The following DERA variants were observed in gnomAD, a reference collection of about 807,000 sequenced individuals.
DERA encodes the protein 2-deoxy-D-ribose 5-phosphate aldolase.
Under a neutral mutation model 41.1 loss-of-function variants are expected in DERA, and 15 were observed. The observed-to-expected ratio is 0.37, with a 90% confidence interval of 0.24 to 0.56. The LOEUF (loss-of-function observed/expected upper bound fraction) is 0.56. DERA is among the 20% of genes least tolerant of loss of function. The pLI, the probability that DERA is intolerant of heterozygous loss-of-function variation, is 0.81. For synonymous variants in DERA, 139 were observed against 137.4 expected, an observed-to-expected ratio of 1.01 and a Z score of -0.08; for missense variants, 396 against 403.4, an observed-to-expected ratio of 0.98 and a Z score of 0.16.
At position 16,014,402 on chromosome 12, in the gene DERA, G is replaced by A. The variant is rs547741778; in HGVS notation, c.638-18140G>A. 5.9e-5 allele frequency among the ~76,000 whole-genome samples: 9 copies of A among 152,280 alleles called. No homozygotes were observed. The highest frequency in any genetic ancestry group is 3.4e-3 in the Middle Eastern group (1 of 294). ...GGACTTGGTGCCCTGCATCCCGGCC[G>A]TGGCTAAAAGAAGCCAATGTACAGC... On this transcript the variant is annotated intron_variant, in intron 6 of 8. Coordinates refer to ENST00000428559, the MANE Select transcript of DERA (RefSeq NM_015954.4). This position sits in a 1 kb window ranked among gnomAD's most constrained non-coding sequence, Gnocchi z 5.4.
chr12:15,958,107 C>A, intron 2 of DERA, 81 bp from the exon 3 acceptor site: 1 of 1,194,240 alleles, frequency 8.4e-7, no homozygotes, highest in Non-Finnish European at 1.2e-6. Context: ...TCTAATGATT[C>A]TCTACTAACC....
Position 15,936,761 on chromosome 12 carries a change from A to G in DERA, c.32-20175A>G, listed in dbSNP as rs139299278. 7.8e-3 allele frequency among the ~76,000 whole-genome samples: 1,182 copies of G among 152,188 alleles called. 23 individuals are homozygous for G. Among genetic ancestry groups the G allele is most frequent in the African/African-American group, 0.028 (1,148 of 41,528 alleles). On this transcript the variant is annotated intron_variant, in intron 1 of 8. Coordinates refer to ENST00000428559, the MANE Select transcript of DERA (RefSeq NM_015954.4). This position sits in a 1 kb window ranked among gnomAD's most constrained non-coding sequence, Gnocchi z 4.6. ...CTTTTTAGTATCATTATACTGGGTT[A>G]TGTTTTGTGTAGATTGTCTCACCAC...
intron 6 of DERA, among the ~76,000 whole-genome samples, chr12:16,032,223 A>T (rs1025656016): frequency 2.0e-5 from 3 of 152,200 alleles, no homozygotes; most frequent in African/African-American, 7.2e-5. Flanking sequence ...AGCATAGGGC[A>T]TAAAATTGTT....
At position 15,911,627 on chromosome 12, in the gene DERA, C is replaced by T. The variant is rs1948164449; in HGVS notation, c.31+213C>T. On this transcript the variant is annotated intron_variant, in intron 1 of 8. Coordinates refer to ENST00000428559, the MANE Select transcript of DERA (RefSeq NM_015954.4). The surrounding 1 kb of genome is among the most constrained non-coding windows in gnomAD (Gnocchi z 4.5). Reference sequence around the variant, plus strand: ...TTGTCTTTGCACCTAAGCTTTTACTCTTGTATGCGGAAGGAGTAGGAAAGG... The same window carrying T: ...TTGTCTTTGCACCTAAGCTTTTACTTTTGTATGCGGAAGGAGTAGGAAAGG... 1 of 697,700 alleles carries T rather than the reference C, an allele frequency of 1.4e-6. No homozygotes were observed. Among genetic ancestry groups the T allele is most frequent in the South Asian group, 1.5e-5 (1 of 66,646 alleles). 43.2% of individuals were successfully genotyped at this position (697,700 alleles called of 1,614,324 possible). A position where few individuals can be genotyped will look rare whatever the true frequency, so the allele number is the denominator to read the frequency against.
intron 1 of DERA, among the ~76,000 whole-genome samples, chr12:15,912,319 A>G (rs900510054): frequency 3.3e-5 from 5 of 152,166 alleles, no homozygotes; most frequent in Non-Finnish European, 5.9e-5. Flanking sequence ...TGTTTCAGAG[A>G]GCACAGGGTT....
At position 16,000,274 on chromosome 12, in the gene DERA, T is replaced by C. The variant is rs1441977255; in HGVS notation, c.637+17838T>C. Among the ~76,000 whole-genome samples, 1 of 152,228 alleles carries C rather than the reference T, an allele frequency of 6.6e-6. No homozygotes were observed. Among genetic ancestry groups the C allele is most frequent in the Non-Finnish European group, 1.5e-5 (1 of 68,044 alleles). On this transcript the variant is annotated intron_variant, in intron 6 of 8. Coordinates refer to ENST00000428559, the MANE Select transcript of DERA (RefSeq NM_015954.4). The surrounding 1 kb of genome is among the most constrained non-coding windows in gnomAD (Gnocchi z 4.8). The stretch of plus-strand genomic sequence containing the variant: ...GTTTATTGCAGAACATAGCGCAGTC[T>C]AACCGCTTTTCCTCTACTTTTCTGT...
At chr12:15,960,681 T>A (rs567318369) in intron 4 of DERA, among the ~76,000 whole-genome samples, 37 of 127,190 alleles carry the variant, frequency 2.9e-4, no homozygotes, top group African/African-American at 9.1e-4. Flanking sequence ...ATGTGCAAAA[T>A]GTGTAGTTGC....
chr12:15,949,341 C>T (rs1382573343), intron 1 of DERA, among the ~76,000 whole-genome samples: 1 of 152,138 alleles, frequency 6.6e-6, no homozygotes, highest in Non-Finnish European at 1.5e-5. Flanking sequence ...CGGTGGTGGG[C>T]TACACCCAGT....
Position 15,916,446 on chromosome 12 carries a change from CTT to C in DERA, c.31+5053_31+5054del, listed in dbSNP as rs869154253. 640 of 122,262 alleles carry C rather than the reference CTT, an allele frequency of 5.2e-3. 1 individual carries two copies. Among genetic ancestry groups the C allele is most frequent in the African/African-American group, 0.018 (618 of 33,486 alleles). 7.6% of individuals were successfully genotyped at this position (122,262 alleles called of 1,614,324 possible). ...CTAGGTTTAAAAACCAATACTGTTT[CTT>C]TTTTTTTTTTTTTTTTTTTTGAGAC... On this transcript the variant is annotated intron_variant, in intron 1 of 8. Coordinates refer to ENST00000428559, the MANE Select transcript of DERA (RefSeq NM_015954.4).
chr12:16,030,227 C>T (rs1161153246), intron 6 of DERA, among the ~76,000 whole-genome samples: 2 of 152,034 alleles, frequency 1.3e-5, no homozygotes, highest in African/African-American at 4.8e-5. Context: ...CCACCACGTC[C>T]AGCCAGTAGC....
chr12:15,990,273 C>T lies in DERA; in HGVS notation c.637+7837C>T, dbSNP rs1206373274. On this transcript the variant is annotated intron_variant, in intron 6 of 8. Coordinates refer to ENST00000428559, the MANE Select transcript of DERA (RefSeq NM_015954.4). This position sits in a 1 kb window ranked among gnomAD's most constrained non-coding sequence, Gnocchi z 4.3. ...CTGATTCCAAAGCTTACTATATTAG[C>T]AGAATTGTTCAATGAATCTTATATT... is the stretch of plus-strand genomic sequence containing the variant. 1.3e-5 allele frequency among the ~76,000 whole-genome samples: 2 copies of T among 152,072 alleles called. No individual in the cohort carries two copies. Among genetic ancestry groups the T allele is most frequent in the African/African-American group, 4.8e-5 (2 of 41,400 alleles).
At chr12:15,952,282 G>A (rs1051214526) in intron 1 of DERA, among the ~76,000 whole-genome samples, 1 of 152,180 alleles carries the variant, frequency 6.6e-6, no homozygotes, top group Non-Finnish European at 1.5e-5. Flanking sequence ...GGATCTTGGT[G>A]TCATTTCCAA....
intron 1 of DERA, among the ~76,000 whole-genome samples, chr12:15,926,194 G>GTT: frequency 6.7e-6 from 1 of 148,698 alleles, no homozygotes; most frequent in African/African-American, 2.5e-5. Flanking sequence ...CTGAGGCACT[G>GTT]TTTTTTTTTT....
At chr12:16,032,318 C>T (rs1949098053) in intron 6 of DERA, among the ~76,000 whole-genome samples, 1 of 151,994 alleles carries the variant, frequency 6.6e-6, no homozygotes, top group Non-Finnish European at 1.5e-5. Context: ...TATCAGAGGT[C>T]AGTGAGAATA....
At chr12:15,951,306 T>A (rs377706195) in intron 1 of DERA, 1 of 152,288 alleles carries the variant, frequency 6.6e-6, no homozygotes, top group South Asian at 2.1e-4. Context: ...GTGGTGAAGA[T>A]TTTGGTGATC....
rs915434768 is a variant in DERA at position 16,014,551 on chromosome 12, G to A, written c.638-17991G>A. Among the ~76,000 whole-genome samples, 1 of 152,248 alleles carries A rather than the reference G, an allele frequency of 6.6e-6. No homozygotes were observed. Among genetic ancestry groups the A allele is most frequent in the African/African-American group, 2.4e-5 (1 of 41,460 alleles). ...AACCACCACCTAGGTTTCAGAGGAT[G>A]TATGGAATCGCCTGGATGTCCTGGC... is the stretch of plus-strand genomic sequence containing the variant. On this transcript the variant is annotated intron_variant, in intron 6 of 8. Transcript: ENST00000428559. This position sits in a 1 kb window ranked among gnomAD's most constrained non-coding sequence, Gnocchi z 5.4.
At position 15,943,552 on chromosome 12, in the gene DERA, C is replaced by T. The variant is rs894592272; in HGVS notation, c.32-13384C>T. ...CTTTTAAACCCTGTTGGCCATGGCT[C>T]ACCATATGCATTGTATTTTATATTG... On this transcript the variant is annotated intron_variant, in intron 1 of 8. Transcript: ENST00000428559. The surrounding 1 kb of genome is among the most constrained non-coding windows in gnomAD (Gnocchi z 4.5). Among the ~76,000 whole-genome samples, 1 of 152,108 alleles carries T rather than the reference C, an allele frequency of 6.6e-6. No homozygotes were observed. The highest frequency in any genetic ancestry group is 2.4e-5 in the African/African-American group (1 of 41,426).
intron 6 of DERA, among the ~76,000 whole-genome samples, chr12:16,016,966 C>A (rs919626396): frequency 3.3e-5 from 5 of 152,114 alleles, no homozygotes; most frequent in Non-Finnish European, 5.9e-5. Flanking sequence ...TACTCAAGGA[C>A]TTTTGTTTCA....
intron 1 of DERA, among the ~76,000 whole-genome samples, chr12:15,912,173 A>T (rs1009271856): frequency 6.6e-6 from 1 of 152,134 alleles, no homozygotes; most frequent in Non-Finnish European, 1.5e-5. Flanking sequence ...GGCCTTCCGC[A>T]GTGTTTGTGT....
Sources: allele counts gnomAD v4.1 joint callset (sites outside exome capture counted in the v4.1 genomes callset), GRCh38; gene constraint gnomAD v4.1.1; non-coding constraint Gnocchi (gnomAD v3.1); transcripts MANE v1.5; gene names NCBI Gene and HGNC (gene_info 2026-07-23, HGNC 2026-07-21).